CCDC171: variants seen among roughly 807,000 people sequenced by gnomAD.
CCDC171 encodes coiled-coil domain-containing protein 171.
A neutral mutation model predicts 168.2 loss-of-function variants in CCDC171; 177 were observed. The ratio of observed to expected loss-of-function variants is 1.05; its 90% CI spans 0.93 to 1.19. The LOEUF is 1.19. CCDC171 is among the 50% of genes most tolerant of loss of function. CCDC171 has a pLI of 0.00. For synonymous variants in CCDC171, 687 were observed against 540.8 expected (o/e 1.27, Z -3.75); for missense variants, 1,991 against 1,539.0 (o/e 1.29, Z -4.91).
chr9:15,929,738 G>A (rs1223788854), intron 25 of CCDC171, among the ~76,000 whole-genome samples: 1 of 151,640 alleles, frequency 6.6e-6, no homozygotes, highest in Non-Finnish European at 1.5e-5. Flanking sequence ...CCTTATTAGT[G>A]CCAGAGTTAT....
intron 7 of CCDC171, among the ~76,000 whole-genome samples, chr9:15,633,963 G>T (rs1333115969): frequency 1.4e-5 from 2 of 146,068 alleles, no homozygotes; most frequent in East Asian, 2.2e-4. Context: ...TCATAGGTGG[G>T]AATTGAACAA....
intron 24 of CCDC171, among the ~76,000 whole-genome samples, chr9:15,890,885 A>T (rs1820129898): frequency 6.6e-6 from 1 of 152,188 alleles, no homozygotes; most frequent in African/African-American, 2.4e-5. Context: ...TGGCTGAAGC[A>T]TGCAAATTCC....
intron 1 of CCDC171, among the ~76,000 whole-genome samples, chr9:16,054,408 T>G (rs12376686): frequency 0.052 from 7,954 of 152,128 alleles, 299 homozygotes; most frequent in Non-Finnish European, 0.079. Flanking sequence ...GGAGGTAACG[T>G]TAGAGTGAAT....
intron 6 of CCDC171, among the ~76,000 whole-genome samples, chr9:15,614,243 G>T (rs1438680901): frequency 6.6e-6 from 1 of 152,162 alleles, no homozygotes; most frequent in African/African-American, 2.4e-5. Flanking sequence ...GGCTATATAT[G>T]TGCCTGGTTC....
In CCDC171 at chr9:15,820,792, T is replaced by C. The variant is rs199788977; in HGVS notation, c.3268-25910T>C. Among the ~76,000 whole-genome samples the C allele has an allele frequency of 1.7e-5, 2 of 117,156 alleles. 1 individual carries two copies. Among genetic ancestry groups the C allele is most frequent in the East Asian group, 4.3e-4 (2 of 4,662 alleles). The allele number at this position is 117,156 out of a possible 152,430, so 76.9% of individuals were successfully genotyped here. A position where few individuals can be genotyped will look rare whatever the true frequency, so the allele number is the denominator to read the frequency against. Reference sequence around the variant, plus strand: ...GCTGGTACCATTCCTTCTGAAACTATTACAATTAATGGAAAAAGAGGGAAT... The same window carrying C: ...GCTGGTACCATTCCTTCTGAAACTACTACAATTAATGGAAAAAGAGGGAAT... On this transcript the variant is annotated intron_variant, in intron 21 of 25. Coordinates refer to ENST00000380701, the MANE Select transcript of CCDC171 (RefSeq NM_173550.4).
chr9:15,765,431 G>T (rs2096121), intron 18 of CCDC171, among the ~76,000 whole-genome samples: 5 of 151,912 alleles, frequency 3.3e-5, no homozygotes, highest in Admixed American at 2.0e-4. Context: ...GTTGATGAAA[G>T]GGATGGGATC....
At chr9:15,720,172 A>AT in intron 11 of CCDC171, among the ~76,000 whole-genome samples, 1 of 152,118 alleles carries the variant, frequency 6.6e-6, no homozygotes, top group Non-Finnish European at 1.5e-5. Flanking sequence ...TATTAATAAC[A>AT]TTTTCTCCAA....
At chr9:15,614,354 G>A (rs1440476625) in intron 6 of CCDC171, among the ~76,000 whole-genome samples, 7 of 152,092 alleles carry the variant, frequency 4.6e-5, no homozygotes, top group African/African-American at 9.7e-5. Context: ...CTATTCTGAG[G>A]CAATTGATTT....
At chr9:16,080,694 C>T in the CCDC171 span, among the ~76,000 whole-genome samples, 2 of 151,992 alleles carry the variant, frequency 1.3e-5, no homozygotes, top group South Asian at 2.1e-4. Context: ...GTGTTCTTAG[C>T]GGTTAACCTA....
chr9:15,953,157 C>G (rs542622901), intron 25 of CCDC171, among the ~76,000 whole-genome samples: 1 of 152,186 alleles, frequency 6.6e-6, no homozygotes. Context: ...CTTTTCCAAT[C>G]TGAGTGCCTT....
intron 25 of CCDC171, among the ~76,000 whole-genome samples, chr9:15,932,113 G>T (rs1267828553): frequency 6.6e-6 from 1 of 151,736 alleles, no homozygotes; most frequent in African/African-American, 2.4e-5. Flanking sequence ...GGTCTCACAT[G>T]AATTTTAGCA....
chr9:15,909,317 A>G (rs1175206799), intron 24 of CCDC171, among the ~76,000 whole-genome samples: 8 of 152,054 alleles, frequency 5.3e-5, no homozygotes, highest in Admixed American at 5.2e-4. Flanking sequence ...GATCCTTTCT[A>G]CTTTCTATTC....
intron 25 of CCDC171, among the ~76,000 whole-genome samples, chr9:15,942,817 G>C (rs1315232283): frequency 1.3e-5 from 2 of 151,828 alleles, no homozygotes; most frequent in Non-Finnish European, 1.5e-5. Context: ...TATAGAGAAA[G>C]ATATAGGGTA....
intron 21 of CCDC171, among the ~76,000 whole-genome samples, chr9:15,830,443 A>T (rs935843407): frequency 6.6e-6 from 1 of 152,360 alleles, no homozygotes; most frequent in East Asian, 1.9e-4. Context: ...CGAGGAAAGC[A>T]TATTAAGAAA....
At chr9:16,040,071 A>G (rs1833548197), upstream of CCDC171, among the ~76,000 whole-genome samples, 1 of 152,164 alleles carries the variant, frequency 6.6e-6, no homozygotes, top group African/African-American at 2.4e-5. Flanking sequence ...GTTGTTGTTA[A>G]TGGCAATCAA....
intron 23 of CCDC171, among the ~76,000 whole-genome samples, chr9:15,858,533 G>A (rs1258751130): frequency 1.5e-5 from 2 of 136,350 alleles, no homozygotes; most frequent in Non-Finnish European, 3.2e-5. Flanking sequence ...ACAATAATAA[G>A]TCTTCCAATT....
At position 15,571,632 on chromosome 9, in the gene CCDC171, T is replaced by A. The variant is rs443563; in HGVS notation, c.50T>A (p.Ile17Asn). ...GTAATCTCATTTTAAAGGTTGAAGA[T>A]TGCCTCATTGGATGTAAAACAAATA... is the stretch of plus-strand genomic sequence containing the variant. ...SNTGDTQRLK[I>N]ASLDVKQILK... Residue 17 changes from isoleucine to asparagine, a missense_variant, in exon 3 of 26, where the codon ATT (isoleucine) becomes AAT (asparagine). Physicochemically the swap from Ile to Asn is moderately radical, Grantham distance 149. Coordinates refer to ENST00000380701, the MANE Select transcript of CCDC171 (RefSeq NM_173550.4). 72,559 of 1,549,576 alleles carry A rather than the reference T, an allele frequency of 0.047. 2,627 individuals carry two copies. Among genetic ancestry groups the A allele is most frequent in the African/African-American group, 0.19 (13,442 of 70,614 alleles).
At chr9:15,719,522 G>T (rs1270988573) in intron 11 of CCDC171, among the ~76,000 whole-genome samples, 1 of 151,682 alleles carries the variant, frequency 6.6e-6, no homozygotes, top group Non-Finnish European at 1.5e-5. Flanking sequence ...GTACAAGAAG[G>T]TTATAGAACA....
chr9:15,851,133 G>T (rs1264183898), intron 23 of CCDC171, among the ~76,000 whole-genome samples: 2 of 151,872 alleles, frequency 1.3e-5, no homozygotes, highest in South Asian at 2.1e-4. Context: ...GAACATATTT[G>T]TTCTTAGGAA....
Sources: gnomAD v4.1 joint callset for allele counts (sites outside exome capture counted in the v4.1 genomes callset) on GRCh38, gnomAD v4.1.1 for gene constraint, MANE v1.5 for transcripts, NCBI Gene and HGNC (gene_info 2026-07-23, HGNC 2026-07-21) for gene names.